PLTP: variants seen among roughly 807,000 people sequenced by gnomAD.
PLTP encodes the protein BPI fold containing family E.
PLTP carries 43 observed loss-of-function variants against 54.1 expected under a neutral mutation model. The observed-to-expected ratio is 0.79, with a 90% CI of 0.62 to 1.02. The LOEUF (loss-of-function observed/expected upper bound fraction) is 1.02. PLTP is among the 50% of genes least tolerant of loss of function. PLTP has a pLI of 0.00. For synonymous variants in PLTP, 263 were observed against 264.6 expected (o/e 0.99, Z 0.06); for missense variants, 604 against 645.9 (o/e 0.94, Z 0.70).
intron 3 of PLTP, 55 bp from the exon 4 acceptor site, chr20:45,910,125 C>T: frequency 4.4e-6 from 7 of 1,605,016 alleles, no homozygotes; most frequent in Admixed American, 1.7e-5. Flanking sequence ...CTTCCCCCAA[C>T]GACAGGAAAT....
Position 45,898,837 on chromosome 20 carries a change from G to T in PLTP, c.*104C>A. ...AGCTTCAAATCCCGTCTTCTCTGTG[G>T]CACTGGGGGTTAGAGGGGGCACTAC... On this transcript the variant is annotated 3_prime_UTR_variant, in exon 16 of 16. Transcript: ENST00000372431. The surrounding 1 kb of genome is among the most constrained non-coding windows in gnomAD (Gnocchi z 4.6). 1.6e-6 allele frequency: 2 copies of T among 1,285,692 alleles called. No individual in the cohort carries two copies. The highest frequency in any genetic ancestry group is 2.2e-6 in the Non-Finnish European group (2 of 924,838). The allele number at this position is 1,285,692 out of a possible 1,614,324, so 79.6% of individuals were successfully genotyped here.
chr20:45,907,821 C>A lies in PLTP; in HGVS notation c.549+20G>T, dbSNP rs200290139. ...GAGCATGCCCACCCTTGCCACCCTG[C>A]GACCTGTCGCTGCCCACACCTGCTG... On this transcript the variant is annotated intron_variant, in intron 6 of 15. Transcript: ENST00000372431. The A allele has an allele frequency of 1.9e-6, 3 of 1,604,498 alleles. No homozygotes were observed. The South Asian group carries it at 3.4e-5, about 18-fold the overall frequency.
intron 15 of PLTP, 37 bp downstream of exon 15, chr20:45,899,425 A>C: frequency 6.3e-7 from 1 of 1,598,838 alleles, no homozygotes; most frequent in Non-Finnish European, 8.6e-7. Flanking sequence ...GAGAGAGGGG[A>C]AGGCCCTCCC....
Position 45,909,683 on chromosome 20 carries a change from G to T in PLTP, c.330-12C>A, listed in dbSNP as rs770909814. On this transcript the variant is annotated splice_polypyrimidine_tract_variant and intron_variant, in intron 4 of 15. Transcript: ENST00000372431. ...AGCCCCCATCATAGCTGCCAGGGGG[G>T]TTAATATTCACTCCAGGTAGGAGCT... is the stretch of plus-strand genomic sequence containing the variant. 29 of 1,613,868 alleles carry T rather than the reference G, an allele frequency of 1.8e-5. No homozygotes were observed. The highest frequency in any genetic ancestry group is 2.4e-5 in the Non-Finnish European group (28 of 1,179,956).
intron 10 of PLTP, among the ~76,000 whole-genome samples, chr20:45,904,583 T>C (rs971188823): frequency 2.0e-5 from 3 of 152,196 alleles, no homozygotes; most frequent in African/African-American, 7.2e-5. Context: ...TTCTCACTAA[T>C]CCTCACAGCA....
chr20:45,900,032 G>A (rs2083166553), intron 12 of PLTP, among the ~76,000 whole-genome samples, 154 bp from the exon 13 acceptor site: 1 of 151,728 alleles, frequency 6.6e-6, no homozygotes. Flanking sequence ...TATCCTCGGG[G>A]CAGTCATTGC....
intron 5 of PLTP, among the ~76,000 whole-genome samples, chr20:45,908,288 C>T (rs1369059664): frequency 6.6e-6 from 1 of 152,102 alleles, no homozygotes; most frequent in East Asian, 1.9e-4. Context: ...CTCTGAATCC[C>T]CAAAGCATTT....
rs1253485852 is a variant in PLTP at position 45,909,613 on chromosome 20, C to G, written c.388G>C (p.Glu130Gln). The G allele has an allele frequency of 6.2e-7, 1 of 1,613,996 alleles. No individual in the cohort carries two copies. Among genetic ancestry groups the G allele is most frequent in the Non-Finnish European group, 8.5e-7 (1 of 1,180,020 alleles). ...AEGVSIRTGL[E>Q]LSRDPAGRMK... ...CGTCCAGCGGGATCCCGGGAGAGCT[C>G]CAGACCAGTGCGGATGGACACACCC... Residue 130 changes from glutamate (E) to glutamine (Q), a missense_variant, in exon 5 of 16, where the codon GAG becomes CAG. Glu to Gln is a conservative substitution (Grantham distance 29). Coordinates refer to ENST00000372431, the MANE Select transcript of PLTP (RefSeq NM_006227.4).
intron 13 of PLTP, 29 bp downstream of exon 13, chr20:45,899,802 ACCCAG>A: frequency 6.9e-7 from 1 of 1,452,414 alleles, no homozygotes; most frequent in Non-Finnish European, 9.5e-7. Context: ...GATCTCACGA[ACCCAG>A]CCCAGCCCAC....
intron 8 of PLTP, among the ~76,000 whole-genome samples, 158 bp downstream of exon 8, chr20:45,906,110 G>T (rs2083235966): frequency 6.6e-6 from 1 of 152,192 alleles, no homozygotes; most frequent in East Asian, 1.9e-4. Flanking sequence ...AGACCCAGGA[G>T]GCTGAACCTA....
chr20:45,909,433 C>T lies in PLTP; in HGVS notation c.485+83G>A, dbSNP rs536682808. 7.4e-6 allele frequency: 11 copies of T among 1,491,444 alleles called. No homozygotes were observed. In the African/African-American group the frequency reaches 1.4e-4, roughly 19 times the overall value. 92.4% of individuals were successfully genotyped at this position (1,491,444 alleles called of 1,614,324 possible). A position where few individuals can be genotyped will look rare whatever the true frequency, so the allele number is the denominator to read the frequency against. On this transcript the variant is annotated intron_variant, in intron 5 of 15. Transcript: ENST00000372431. ...CTTTGGACCCAGTTGGTCTGATTCC[C>T]AGGCCTATGCACTTTGCATTGCGCT...
At position 45,911,530 on chromosome 20, in the gene PLTP, A is replaced by G. The variant is rs754730466; in HGVS notation, c.-11-67T>C. 17 of 1,590,286 alleles carry G rather than the reference A, an allele frequency of 1.1e-5. No homozygotes were observed. In the African/African-American group the frequency reaches 1.1e-4, roughly 10 times the overall value. On this transcript the variant is annotated intron_variant, in intron 1 of 15. Coordinates refer to ENST00000372431, the MANE Select transcript of PLTP (RefSeq NM_006227.4). ...AAACCCATTCCTTGGACGTCCAACC[A>G]TAAGTGGGAACTAGCCTGGATCGTT...
chr20:45,911,131 G>T (rs1304223995), intron 3 of PLTP, 21 bp downstream of exon 3: 1 of 1,612,240 alleles, frequency 6.2e-7, no homozygotes, highest in East Asian at 2.2e-5. Context: ...CCCGGATCGC[G>T]AGGCCCCGCC....
chr20:45,900,139 C>T lies in PLTP; in HGVS notation c.1176-261G>A, dbSNP rs562246136. ...TTTTTTTTTTTTTGAGACAGAGTCTCGCTGTGTCGCCCACGCTGGAGTGCA... is the reference window on the plus strand; with the variant it reads ...TTTTTTTTTTTTTGAGACAGAGTCTTGCTGTGTCGCCCACGCTGGAGTGCA... On this transcript the variant is annotated intron_variant, in intron 12 of 15. Coordinates refer to ENST00000372431, the MANE Select transcript of PLTP (RefSeq NM_006227.4). Among the ~76,000 whole-genome samples the T allele has an allele frequency of 1.1e-3, 126 of 117,914 alleles. 2 individuals carry two copies. Among genetic ancestry groups the T allele is most frequent in the Admixed American group, 1.3e-3 (11 of 8,568 alleles). 77.4% of individuals were successfully genotyped at this position (117,914 alleles called of 152,430 possible).
In PLTP at chr20:45,899,006, C is replaced by CA. The variant is rs760080310; in HGVS notation, c.1416dup (p.Glu473Ter). On this transcript the variant is annotated frameshift_variant, in exon 16 of 16. Coordinates refer to ENST00000372431, the MANE Select transcript of PLTP (RefSeq NM_006227.4). LOFTEE classifies it low-confidence loss of function (END_TRUNC). ...CTGACATCAGCAGGCCGGTTCTTCT[C>CA]AATCACCTCTCGCAGCCCTTTGGCA... The CA allele has an allele frequency of 6.2e-7, 1 of 1,614,186 alleles. No homozygotes were observed. The highest frequency in any genetic ancestry group is 2.2e-5 in the East Asian group (1 of 44,880).
intron 10 of PLTP, among the ~76,000 whole-genome samples, chr20:45,903,723 T>C (rs2145833842): frequency 6.6e-6 from 1 of 152,304 alleles, no homozygotes; most frequent in East Asian, 1.9e-4. Flanking sequence ...TACAAATTTA[T>C]TTTTCAGGCT....
Position 45,911,262 on chromosome 20 carries a change from A to G in PLTP, c.101-11T>C, listed in dbSNP as rs1328404249. The G allele has an allele frequency of 6.2e-7, 1 of 1,613,694 alleles. No individual in the cohort carries two copies. The highest frequency in any genetic ancestry group is 1.1e-5 in the South Asian group (1 of 91,084). The stretch of plus-strand genomic sequence containing the variant: ...GCCCCTCCTGCTTCACTGAAGCAGC[A>G]GAGAAACCCTTACTTAGCTCCCGTG... On this transcript the variant is annotated splice_polypyrimidine_tract_variant and intron_variant, in intron 2 of 15. Coordinates refer to ENST00000372431, the MANE Select transcript of PLTP (RefSeq NM_006227.4).
In PLTP at chr20:45,902,906, C is replaced by T. The variant is rs373132902; in HGVS notation, c.943-302G>A. Among the ~76,000 whole-genome samples the T allele has an allele frequency of 3.3e-5, 5 of 152,272 alleles. No homozygotes were observed. The South Asian group carries it at 1.0e-3, about 32-fold the overall frequency. On this transcript the variant is annotated intron_variant, in intron 10 of 15. Coordinates refer to ENST00000372431, the MANE Select transcript of PLTP (RefSeq NM_006227.4). ...TTTGCATTAGTATCTCAGCCCTTGC[C>T]ATGTCTTCTGTTTTTGATATGGAGT...
chr20:45,899,161 C>G, intron 15 of PLTP, 98 bp from the exon 16 acceptor site: 3 of 1,512,936 alleles, frequency 2.0e-6, no homozygotes, highest in Non-Finnish European at 2.7e-6. Flanking sequence ...GGAACTCAAT[C>G]TAATGGATAA....
Sources: allele counts gnomAD v4.1 joint callset (sites outside exome capture counted in the v4.1 genomes callset), GRCh38; gene constraint gnomAD v4.1.1; non-coding constraint Gnocchi (gnomAD v3.1); transcripts MANE v1.5; gene names NCBI Gene and HGNC (gene_info 2026-07-23, HGNC 2026-07-21).